The following NRXN1 variants were observed in gnomAD, a reference collection of about 807,000 sequenced individuals.
NRXN1 encodes the protein neurexin 1, also known as neurexin-1.
In NRXN1, 39 loss-of-function variants were observed where a neutral mutation model predicts 150.9. That is an observed-to-expected ratio of 0.26 (90% CI 0.20 to 0.34). The LOEUF is 0.34. Among genes scored for constraint, NRXN1 ranks in the 10% least tolerant of loss-of-function variants. NRXN1 has a pLI of 1.00. For synonymous variants in NRXN1, 924 were observed against 757.0 expected, an observed-to-expected ratio of 1.22 and a Z score of -3.62; for missense variants, 1,815 against 1,949.9, an observed-to-expected ratio of 0.93 and a Z score of 1.30.
At chr2:50,470,350 T>C (rs186375501) in intron 16 of NRXN1, among the ~76,000 whole-genome samples, 18 of 151,838 alleles carry the variant, frequency 1.2e-4, no homozygotes, top group African/African-American at 3.4e-4. Context: ...AGTTTCCTTA[T>C]GTTTTACAGA....
rs532518797 is a variant in NRXN1 at position 50,350,843 on chromosome 2, A to T, written c.3365-113873T>A. ...TTTACAGGAGTCTCAAGAGCTAAAG[A>T]GAAAATATTTATGGCTGCCTCAAAA... On this transcript the variant is annotated intron_variant, in intron 17 of 22. Coordinates refer to ENST00000401669, the MANE Select transcript of NRXN1 (RefSeq NM_001330078.2). Among the ~76,000 whole-genome samples, 48 of 152,262 alleles carry T rather than the reference A, an allele frequency of 3.2e-4. 1 individual carries two copies. In the South Asian group the frequency reaches 9.9e-3, roughly 32 times the overall value.
chr2:50,875,965 G>A (rs1678531382), intron 5 of NRXN1, among the ~76,000 whole-genome samples: 1 of 151,810 alleles, frequency 6.6e-6, no homozygotes, highest in African/African-American at 2.4e-5. Flanking sequence ...CTTTGAAAGT[G>A]GAAGAGACCC....
chr2:50,748,212 T>G (rs188470669), intron 5 of NRXN1, among the ~76,000 whole-genome samples: 1 of 152,270 alleles, frequency 6.6e-6, no homozygotes, highest in East Asian at 1.9e-4. Flanking sequence ...AAGGCTGTAC[T>G]TTTACCCAGC....
chr2:50,471,984 C>T (rs116265570), intron 16 of NRXN1, among the ~76,000 whole-genome samples: 7 of 151,546 alleles, frequency 4.6e-5, no homozygotes, highest in African/African-American at 1.5e-4. Context: ...CATCGTAGAA[C>T]TGATTAACAA....
chr2:50,215,217 C>T (rs1377026670), intron 18 of NRXN1, among the ~76,000 whole-genome samples: 1 of 151,984 alleles, frequency 6.6e-6, no homozygotes, highest in Non-Finnish European at 1.5e-5. Flanking sequence ...GATTAATGTG[C>T]TCCTGTCTTT....
At chr2:51,011,739 TG>T (rs949903288) in intron 2 of NRXN1, among the ~76,000 whole-genome samples, 4 of 152,026 alleles carry the variant, frequency 2.6e-5, no homozygotes, top group African/African-American at 9.7e-5. Flanking sequence ...TACAAGTGCT[TG>T]CCTGCCATTC....
intron 17 of NRXN1, among the ~76,000 whole-genome samples, chr2:50,391,841 T>G (rs1379986011): frequency 6.6e-6 from 1 of 152,152 alleles, no homozygotes; most frequent in African/African-American, 2.4e-5. Flanking sequence ...ATTATGTCTC[T>G]TCTCTTTTTA....
intron 5 of NRXN1, among the ~76,000 whole-genome samples, chr2:50,703,887 T>C (rs1271468106): frequency 3.3e-5 from 5 of 152,114 alleles, no homozygotes; most frequent in African/African-American, 9.7e-5. Context: ...AGTCATATCG[T>C]TTCTACGTGG....
At chr2:50,736,505 A>G (rs1698767880) in intron 5 of NRXN1, among the ~76,000 whole-genome samples, 1 of 152,156 alleles carries the variant, frequency 6.6e-6, no homozygotes, top group East Asian at 1.9e-4. Flanking sequence ...TGCAGCTCCC[A>G]TAATTCCCAT....
At chr2:50,476,366 C>A (rs1308759560) in intron 15 of NRXN1, among the ~76,000 whole-genome samples, 1 of 152,104 alleles carries the variant, frequency 6.6e-6, no homozygotes, top group African/African-American at 2.4e-5. Flanking sequence ...TGTCTACAAA[C>A]CCTGGCTCTG....
chr2:50,659,015 C>T (rs991005784), intron 5 of NRXN1, among the ~76,000 whole-genome samples: 1 of 152,016 alleles, frequency 6.6e-6, no homozygotes, highest in African/African-American at 2.4e-5. Flanking sequence ...AGGGTGACGG[C>T]AGGAAGCACT....
At chr2:50,109,315 C>T (rs936226473) in intron 18 of NRXN1, among the ~76,000 whole-genome samples, 25 of 152,072 alleles carry the variant, frequency 1.6e-4, no homozygotes, top group African/African-American at 5.1e-4. Context: ...TTTTCTAGAT[C>T]ATCCTTTCTG....
intron 17 of NRXN1, among the ~76,000 whole-genome samples, chr2:50,385,759 A>G (rs1172599105): frequency 6.6e-6 from 1 of 152,110 alleles, no homozygotes; most frequent in Non-Finnish European, 1.5e-5. Flanking sequence ...CTGGTCAACA[A>G]TTTTATCAAT....
At chr2:50,027,699 G>A (rs1292020452) in intron 21 of NRXN1, among the ~76,000 whole-genome samples, 1 of 152,118 alleles carries the variant, frequency 6.6e-6, no homozygotes, top group Non-Finnish European at 1.5e-5. Context: ...CTCAAAGAGT[G>A]GGAATATAGA....
rs371860064 is a variant in NRXN1, at chr2:50,363,850, G to A, written c.3364+101592C>T. ...AGACTTGCAACCAACCCAAATGCCCGTCAATATTAGACTGGATAAAGAAAA... is the reference window on the plus strand; with the variant it reads ...AGACTTGCAACCAACCCAAATGCCCATCAATATTAGACTGGATAAAGAAAA... On this transcript the variant is annotated intron_variant, in intron 17 of 22. Transcript: ENST00000401669. Among the ~76,000 whole-genome samples the A allele has an allele frequency of 1.4e-4, 21 of 152,116 alleles. No homozygotes were observed. The East Asian group carries it at 1.9e-3, about 14-fold the overall frequency.
intron 5 of NRXN1, among the ~76,000 whole-genome samples, chr2:50,742,539 C>T (rs1023032387): frequency 3.4e-5 from 5 of 145,882 alleles, no homozygotes; most frequent in African/African-American, 7.6e-5. Context: ...GCCCGGGAGG[C>T]GGAGGTTGCA....
At chr2:49,961,934 A>G (rs1676030766) in intron 21 of NRXN1, among the ~76,000 whole-genome samples, 1 of 152,160 alleles carries the variant, frequency 6.6e-6, no homozygotes, top group Admixed American at 6.6e-5. Context: ...TGTAAGGGAA[A>G]AATAATTCTT....
chr2:50,507,636 CAAAAAAAAAA>C, intron 12 of NRXN1, among the ~76,000 whole-genome samples: 1 of 107,486 alleles, frequency 9.3e-6, no homozygotes, highest in South Asian at 3.2e-4. Context: ...TCCGTCACCT[CAAAAAAAAAA>C]AAAAAAAAAA....
At chr2:50,911,769 A>C (rs1684556018) in intron 5 of NRXN1, among the ~76,000 whole-genome samples, 1 of 151,914 alleles carries the variant, frequency 6.6e-6, no homozygotes, top group African/African-American at 2.4e-5. Context: ...ACAAAGTTTA[A>C]AAGTTGCCAC....
Sources: allele counts gnomAD v4.1 joint callset (sites outside exome capture counted in the v4.1 genomes callset), GRCh38; gene constraint gnomAD v4.1.1; transcripts MANE v1.5; gene names NCBI Gene and HGNC (gene_info 2026-07-23, HGNC 2026-07-21).